CFAP61: variants seen among roughly 807,000 people sequenced by gnomAD.
CFAP61 encodes the protein cilia- and flagella-associated protein 61.
CFAP61 carries 107 observed loss-of-function variants against 135.6 expected under a neutral mutation model. The observed-to-expected ratio is 0.79, with a 90% CI of 0.67 to 0.93. The LOEUF (loss-of-function observed/expected upper bound fraction) is 0.93. Among genes scored for constraint, CFAP61 ranks in the 40% least tolerant of loss-of-function variants. CFAP61 has a pLI of 0.00. For synonymous variants in CFAP61, 575 were observed against 578.5 expected (o/e 0.99, Z 0.09); for missense variants, 1,507 against 1,556.2 (o/e 0.97, Z 0.53).
intron 23 of CFAP61, 125 bp from the exon 24 acceptor site, chr20:20,290,175 T>C (rs1312764727): frequency 1.5e-6 from 1 of 680,764 alleles, no homozygotes; most frequent in Non-Finnish European, 2.7e-6. Flanking sequence ...AGTGGTACTT[T>C]AGTGTGAAAG....
intron 18 of CFAP61, among the ~76,000 whole-genome samples, chr20:20,233,874 G>A (rs548984965): frequency 3.9e-5 from 6 of 152,240 alleles, no homozygotes; most frequent in Admixed American, 6.5e-5. Context: ...CCTTTTCGAC[G>A]GGGGAAGATC....
intron 25 of CFAP61, among the ~76,000 whole-genome samples, chr20:20,320,321 TAG>T (rs1569292708): frequency 1.1e-5 from 1 of 92,914 alleles, no homozygotes; most frequent in Non-Finnish European, 2.1e-5. Flanking sequence ...TTCAGATATA[TAG>T]ATATATATAT....
chr20:20,111,874 T>G, intron 8 of CFAP61, among the ~76,000 whole-genome samples: 1 of 152,166 alleles, frequency 6.6e-6, no homozygotes, highest in East Asian at 1.9e-4. Flanking sequence ...CTTGTTCTGC[T>G]TGATCTAAGG....
intron 25 of CFAP61, among the ~76,000 whole-genome samples, chr20:20,326,353 C>G (rs760948932): frequency 6.6e-6 from 1 of 152,114 alleles, no homozygotes; most frequent in Non-Finnish European, 1.5e-5. Flanking sequence ...CAAACCGTCT[C>G]TAACAAAGAA....
At chr20:20,087,729 C>T (rs368721029) in intron 6 of CFAP61, among the ~76,000 whole-genome samples, 6 of 152,030 alleles carry the variant, frequency 3.9e-5, no homozygotes, top group Admixed American at 1.3e-4. Flanking sequence ...CCTTTTTTAA[C>T]GTTTGCTATT....
At chr20:20,344,207 C>T (rs1026638600) in intron 26 of CFAP61, among the ~76,000 whole-genome samples, 2 of 152,174 alleles carry the variant, frequency 1.3e-5, no homozygotes, top group African/African-American at 2.4e-5. Flanking sequence ...CCTGCAGAAC[C>T]GTGGCCAGCC....
intron 25 of CFAP61, among the ~76,000 whole-genome samples, chr20:20,337,503 T>C (rs540656206): frequency 3.9e-5 from 4 of 102,012 alleles, no homozygotes; most frequent in African/African-American, 1.6e-4. Context: ...GATGGGTGGA[T>C]GGATAAATGG....
At chr20:20,273,401 T>C (rs1168041099) in intron 21 of CFAP61, among the ~76,000 whole-genome samples, 1 of 152,150 alleles carries the variant, frequency 6.6e-6, no homozygotes, top group Non-Finnish European at 1.5e-5. Context: ...CTTACATATC[T>C]CAGGTGTATA....
At chr20:20,339,617 A>G (rs1388949931) in intron 25 of CFAP61, among the ~76,000 whole-genome samples, 1 of 151,842 alleles carries the variant, frequency 6.6e-6, no homozygotes, top group Non-Finnish European at 1.5e-5. Flanking sequence ...CCACAGGCAT[A>G]TGTCACCACC....
intron 26 of CFAP61, among the ~76,000 whole-genome samples, chr20:20,352,808 G>A (rs1365295467): frequency 6.6e-6 from 1 of 152,142 alleles, no homozygotes; most frequent in Non-Finnish European, 1.5e-5. Context: ...GACACCAAAA[G>A]CACAGGCAAC....
At chr20:20,127,252 T>G (rs1224245383) in intron 8 of CFAP61, among the ~76,000 whole-genome samples, 1 of 151,710 alleles carries the variant, frequency 6.6e-6, no homozygotes, top group Admixed American at 6.5e-5. Flanking sequence ...TTGGATCCAT[T>G]GCTGGTGAAC....
At chr20:20,194,518 A>G (rs1158802520) in intron 15 of CFAP61, among the ~76,000 whole-genome samples, 1 of 152,138 alleles carries the variant, frequency 6.6e-6, no homozygotes, top group Non-Finnish European at 1.5e-5. Context: ...TCTCTGCAGT[A>G]AGTTGTATGT....
At position 20,251,757 on chromosome 20, in the gene CFAP61, G is replaced by C. The variant is rs772984036; in HGVS notation, c.2322G>C (p.Gln774His). The part of the protein sequence containing the change: ...YDHLILCTGQ[Q>H]YQVPCPTEAD... ...ACCTCATCCTCTGCACCGGGCAGCA[G>C]TACCAGGTAAGGCCGGGCACAGGGG... The change falls in exon 20 of 27, where the codon CAG becomes CAC. Residue 774 changes from glutamine (Q) to histidine (H), a missense_variant. Gln to His is a conservative substitution (Grantham distance 24). Coordinates refer to ENST00000245957, the MANE Select transcript of CFAP61 (RefSeq NM_015585.4). The C allele has an allele frequency of 3.7e-6, 6 of 1,613,538 alleles. No homozygotes were observed. Among genetic ancestry groups the C allele is most frequent in the Non-Finnish European group, 5.1e-6 (6 of 1,180,038 alleles).
In CFAP61 at chr20:20,249,198, G is replaced by A. The variant is rs2050696340; in HGVS notation, c.2160-2397G>A. ...TCACTCAACTGGTGAGGAAATTAAG[G>A]AAGGTCCAGAATGGATAGTAATATC... On this transcript the variant is annotated intron_variant, in intron 19 of 26. Transcript: ENST00000245957. 2.0e-5 allele frequency among the ~76,000 whole-genome samples: 3 copies of A among 152,158 alleles called. No homozygotes were observed. The South Asian group carries it at 6.2e-4, about 32-fold the overall frequency.
At chr20:20,140,746 A>G (rs1159488664) in intron 8 of CFAP61, among the ~76,000 whole-genome samples, 3 of 151,608 alleles carry the variant, frequency 2.0e-5, no homozygotes, top group South Asian at 4.2e-4. Context: ...TCATGCTGCT[A>G]TAAAGACACA....
intron 13 of CFAP61, among the ~76,000 whole-genome samples, chr20:20,186,957 C>A (rs940022415): frequency 1.4e-4 from 22 of 152,176 alleles, no homozygotes; most frequent in African/African-American, 5.3e-4. Flanking sequence ...TGGTGTGGGG[C>A]AGTCAGTCTC....
intron 17 of CFAP61, among the ~76,000 whole-genome samples, chr20:20,227,675 C>A (rs560040541): frequency 6.6e-6 from 1 of 152,302 alleles, no homozygotes; most frequent in South Asian, 2.1e-4. Flanking sequence ...GGTTGAACAA[C>A]CCTAATAATT....
intron 22 of CFAP61, among the ~76,000 whole-genome samples, chr20:20,283,233 C>A (rs1447487643): frequency 1.3e-5 from 2 of 152,036 alleles, no homozygotes; most frequent in Non-Finnish European, 2.9e-5. Context: ...TGTTATTAAG[C>A]CCATGAGCAT....
intron 11 of CFAP61, among the ~76,000 whole-genome samples, chr20:20,165,404 G>A (rs901486292): frequency 2.0e-5 from 3 of 152,066 alleles, no homozygotes; most frequent in Admixed American, 1.3e-4. Flanking sequence ...TCTGAGCAGG[G>A]GATAAGTTGA....
Sources: allele counts gnomAD v4.1 joint callset (sites outside exome capture counted in the v4.1 genomes callset), GRCh38; gene constraint gnomAD v4.1.1; transcripts MANE v1.5; gene names NCBI Gene and HGNC (gene_info 2026-07-23, HGNC 2026-07-21).